Variants in IQCM observed in about 807,000 individuals in gnomAD.
The protein encoded by IQCM is IQ domain-containing protein M.
Under a neutral mutation model 57.6 loss-of-function variants are expected in IQCM, and 45 were observed. The observed-to-expected ratio is 0.78, with a 90% CI of 0.62 to 1.00. The LOEUF (loss-of-function observed/expected upper bound fraction) is 1.00, where lower values mean the gene tolerates loss of function less well. IQCM is among the 50% of genes least tolerant of loss of function. The pLI is 0.00. For synonymous variants in IQCM, 148 were observed against 158.9 expected (o/e 0.93, Z 0.51); for missense variants, 468 against 511.6 (o/e 0.91, Z 0.82).
intron 12 of IQCM, among the ~76,000 whole-genome samples, chr4:149,449,703 T>G (rs1199904005): frequency 6.6e-6 from 1 of 151,380 alleles, no homozygotes; most frequent in Non-Finnish European, 1.5e-5. Context: ...TGAAAGAAAT[T>G]GAAGAGGCCA....
intron 7 of IQCM, among the ~76,000 whole-genome samples, chr4:149,634,078 C>T (rs1305669571): frequency 1.3e-5 from 2 of 151,962 alleles, no homozygotes; most frequent in Non-Finnish European, 2.9e-5. Flanking sequence ...AGCATGATCT[C>T]GGCTCACTGC....
chr4:149,663,148 A>C (rs1201661781), intron 7 of IQCM, among the ~76,000 whole-genome samples: 2 of 152,066 alleles, frequency 1.3e-5, no homozygotes, highest in Non-Finnish European at 1.5e-5. Context: ...AGCTGATAAC[A>C]TTCTTAGTTT....
intron 10 of IQCM, among the ~76,000 whole-genome samples, chr4:149,554,207 C>G (rs537053659): frequency 3.2e-4 from 48 of 152,162 alleles, no homozygotes; most frequent in Non-Finnish European, 6.0e-4. Flanking sequence ...ATGAAAACAA[C>G]TGAAGCAGAA....
chr4:149,510,156 C>T (rs541622101), intron 12 of IQCM, among the ~76,000 whole-genome samples: 1 of 152,216 alleles, frequency 6.6e-6, no homozygotes, highest in South Asian at 2.1e-4. Flanking sequence ...AATTACCACT[C>T]TTTTAAATTT....
intron 2 of IQCM, among the ~76,000 whole-genome samples, chr4:149,776,887 T>C (rs951097316): frequency 1.6e-4 from 25 of 152,232 alleles, no homozygotes; most frequent in African/African-American, 5.8e-4. Flanking sequence ...TTTTTAAAAT[T>C]GATAAGATGC....
At chr4:149,627,357 G>A (rs1756904557) in intron 7 of IQCM, among the ~76,000 whole-genome samples, 1 of 152,102 alleles carries the variant, frequency 6.6e-6, no homozygotes, top group Non-Finnish European at 1.5e-5. Flanking sequence ...TCTCAGGGCT[G>A]AGAAAAATCC....
intron 7 of IQCM, among the ~76,000 whole-genome samples, chr4:149,669,690 C>T (rs893879795): frequency 3.3e-5 from 5 of 152,204 alleles, no homozygotes; most frequent in Middle Eastern, 3.2e-3. Flanking sequence ...CAGCTTTCTA[C>T]ATATGGCTAG....
chr4:149,536,977 G>A (rs1747355183), intron 12 of IQCM, among the ~76,000 whole-genome samples: 1 of 152,096 alleles, frequency 6.6e-6, no homozygotes, highest in East Asian at 1.9e-4. Context: ...CCTGGAGCAG[G>A]CCATAATGGA....
chr4:149,529,343 G>T (rs1473587735), intron 12 of IQCM, among the ~76,000 whole-genome samples: 1 of 152,190 alleles, frequency 6.6e-6, no homozygotes, highest in Non-Finnish European at 1.5e-5. Context: ...GGGATTACAG[G>T]CGTGAGCCAC....
At chr4:149,404,713 G>A (rs907929049) in intron 13 of IQCM, among the ~76,000 whole-genome samples, 28 of 151,992 alleles carry the variant, frequency 1.8e-4, no homozygotes, top group African/African-American at 6.8e-4. Context: ...AGCGTTTGGA[G>A]TCTATAAATG....
At chr4:149,478,022 A>T (rs886473741) in intron 12 of IQCM, among the ~76,000 whole-genome samples, 1 of 152,206 alleles carries the variant, frequency 6.6e-6, no homozygotes, top group African/African-American at 2.4e-5. Flanking sequence ...AAATGAAGAT[A>T]ATAATAGTAC....
intron 7 of IQCM, among the ~76,000 whole-genome samples, chr4:149,659,387 T>C (rs1408426514): frequency 2.6e-5 from 4 of 152,112 alleles, no homozygotes; most frequent in Non-Finnish European, 4.4e-5. Flanking sequence ...ATCAATATCA[T>C]GAAAATGGCC....
At chr4:149,592,098 A>C (rs546772179) in intron 8 of IQCM, among the ~76,000 whole-genome samples, 1 of 152,226 alleles carries the variant, frequency 6.6e-6, no homozygotes, top group South Asian at 2.1e-4. Context: ...CTATTTCTCC[A>C]CATCCTCTCC....
chr4:149,720,369 A>G (rs1339376001), intron 5 of IQCM, among the ~76,000 whole-genome samples: 1 of 152,140 alleles, frequency 6.6e-6, no homozygotes, highest in Admixed American at 6.6e-5. Context: ...AGTTTTATTC[A>G]ATTATATTAA....
At chr4:149,626,023 C>A (rs932437422) in intron 7 of IQCM, among the ~76,000 whole-genome samples, 1 of 152,076 alleles carries the variant, frequency 6.6e-6, no homozygotes. Context: ...TAATGAGTGT[C>A]AACTTGACTG....
chr4:149,416,961 C>A (rs1733790544), intron 13 of IQCM, among the ~76,000 whole-genome samples: 1 of 152,074 alleles, frequency 6.6e-6, no homozygotes, highest in African/African-American at 2.4e-5. Flanking sequence ...TTGAAAATTT[C>A]TGTAACAAAA....
intron 12 of IQCM, among the ~76,000 whole-genome samples, chr4:149,473,895 T>C (rs773797253): frequency 6.6e-6 from 1 of 152,288 alleles, no homozygotes; most frequent in East Asian, 1.9e-4. Context: ...AAACACCGCA[T>C]GTTCTCACTC....
intron 12 of IQCM, among the ~76,000 whole-genome samples, chr4:149,448,483 T>C (rs956840658): frequency 2.7e-5 from 4 of 150,290 alleles, no homozygotes; most frequent in Admixed American, 6.7e-5. Context: ...AAATATAAAA[T>C]AAAGCAAAAA....
chr4:149,466,117 T>C (rs1243323832), intron 12 of IQCM, among the ~76,000 whole-genome samples: 3 of 152,208 alleles, frequency 2.0e-5, no homozygotes, highest in East Asian at 3.8e-4. Context: ...TTCATCAACA[T>C]TGCGACATAG....
Sources: allele counts gnomAD v4.1 joint callset (sites outside exome capture counted in the v4.1 genomes callset), GRCh38; gene constraint gnomAD v4.1.1; transcripts MANE v1.5; gene names NCBI Gene and HGNC (gene_info 2026-07-23, HGNC 2026-07-21).